Variants in SASS6 observed in about 807,000 individuals in gnomAD.
The protein encoded by SASS6 is spindle assembly abnormal protein 6 homolog.
SASS6 carries 59 observed loss-of-function variants against 94.9 expected under a neutral mutation model. The ratio of observed to expected loss-of-function variants is 0.62; its 90% CI spans 0.50 to 0.77. The LOEUF is 0.77. SASS6 is among the 30% of genes least tolerant of loss of function. The probability of loss-of-function intolerance (pLI) is 0.00; values close to 1 mark genes in which losing one functional copy is unlikely to be tolerated. For missense variants in SASS6, 698 were observed against 734.1 expected (o/e 0.95, Z 0.57); for synonymous variants, 264 against 270.0 (o/e 0.98, Z 0.22).
At chr1:100,126,229 T>G (rs1357751252) in intron 1 of SASS6, among the ~76,000 whole-genome samples, 1 of 152,222 alleles carries the variant, frequency 6.6e-6, no homozygotes, top group Non-Finnish European at 1.5e-5. Context: ...AGCACTAGCC[T>G]GATATATGAC....
chr1:100,097,445 G>A (rs1014267197), intron 14 of SASS6, among the ~76,000 whole-genome samples: 2 of 152,096 alleles, frequency 1.3e-5, no homozygotes, highest in Non-Finnish European at 2.9e-5. Flanking sequence ...TCAATACAAT[G>A]AAATACTACT....
chr1:100,092,539 G>A (rs28730937), intron 14 of SASS6, among the ~76,000 whole-genome samples: 8 of 151,982 alleles, frequency 5.3e-5, no homozygotes, highest in Admixed American at 2.0e-4. Flanking sequence ...GTAATATAAC[G>A]AACTAGTCTT....
chr1:100,119,961 T>G (rs1654047411), intron 6 of SASS6, among the ~76,000 whole-genome samples: 1 of 152,190 alleles, frequency 6.6e-6, no homozygotes, highest in African/African-American at 2.4e-5. Context: ...TTTCATGAAC[T>G]AGGGCAGAAA....
At chr1:100,117,697 GAA>G (rs1308481158) in intron 7 of SASS6, among the ~76,000 whole-genome samples, 1 of 150,798 alleles carries the variant, frequency 6.6e-6, no homozygotes, top group Non-Finnish European at 1.5e-5. Context: ...AAAAAGGGAT[GAA>G]AAGACAATAA....
intron 14 of SASS6, among the ~76,000 whole-genome samples, chr1:100,099,907 C>T (rs546866519): frequency 2.6e-5 from 4 of 152,264 alleles, no homozygotes; most frequent in Non-Finnish European, 5.9e-5. Context: ...TGGCCCGTTC[C>T]TCACTGCAGA....
At chr1:100,103,908 G>A (rs753126387) in intron 13 of SASS6, among the ~76,000 whole-genome samples, 1 of 152,130 alleles carries the variant, frequency 6.6e-6, no homozygotes, top group Non-Finnish European at 1.5e-5. Context: ...ATAGATATAC[G>A]AGCTAGATTT....
Position 100,125,934 on chromosome 1 carries a change from CT to C in SASS6, c.73del (p.Ser25ValfsTer2). On this transcript the variant is annotated frameshift_variant, in exon 2 of 17. Transcript: ENST00000287482. LOFTEE classifies it high-confidence loss of function. Reference protein sequence around the residue: ...KCKDCEERRVSIRMSIELQSV... With the variant: ...KCKDCEERRVXIRMSIELQSV... ...TTGTAGTTCAATGCTCATTCTTATA[CT>C]TACTCTCCTGTAGGAAAAGACATAC... 6.5e-7 allele frequency: 1 copy of C among 1,531,568 alleles called. No homozygotes were observed. The highest frequency in any genetic ancestry group is 8.9e-7 in the Non-Finnish European group (1 of 1,122,366). The allele number at this position is 1,531,568 out of a possible 1,614,324, so 94.9% of individuals were successfully genotyped here. A position where few individuals can be genotyped will look rare whatever the true frequency, so the allele number is the denominator to read the frequency against.
intron 7 of SASS6, 96 bp downstream of exon 7, chr1:100,118,922 T>C (rs1653973479): frequency 4.9e-6 from 4 of 820,192 alleles, no homozygotes; most frequent in Non-Finnish European, 1.8e-6. Context: ...TCTGTAACGT[T>C]TGGAAAATTT....
At chr1:100,131,241 A>G (rs1654998570) in intron 1 of SASS6, among the ~76,000 whole-genome samples, 1 of 146,962 alleles carries the variant, frequency 6.8e-6, no homozygotes, top group African/African-American at 2.6e-5. Flanking sequence ...CCCAGGCTGG[A>G]GTACAGTGGC....
chr1:100,087,627 T>G (rs1651403358), intron 15 of SASS6, among the ~76,000 whole-genome samples: 1 of 152,198 alleles, frequency 6.6e-6, no homozygotes, highest in Non-Finnish European at 1.5e-5. Context: ...CATTAAAGCT[T>G]ATTTTTGTTA....
rs150364529 is a variant in SASS6, at chr1:100,110,418, T to C, written c.735A>G (p.Gln245=). Residue 245 remains glutamine, a synonymous_variant, in exon 8 of 17, where the codon CAA becomes CAG. Transcript: ENST00000287482. ...QKKDLEILHQ[Q]NIHQLQNRLS... ...GTCTGTTTTGTAGCTGGTGGATGTT[T>C]TGTTGATGGAGGATTTCTAAATCTT... 9.4e-3 allele frequency: 15,092 copies of C among 1,611,760 alleles called. 90 individuals carry two copies. Among genetic ancestry groups the C allele is most frequent in the Non-Finnish European group, 0.011 (12,941 of 1,178,220 alleles).
chr1:100,117,601 C>T (rs1013055549), intron 7 of SASS6, among the ~76,000 whole-genome samples: 8 of 150,476 alleles, frequency 5.3e-5, no homozygotes, highest in African/African-American at 1.2e-4. Flanking sequence ...TGCAGTGAGC[C>T]GAGATAGTGC....
At chr1:100,098,212 T>C (rs988706505) in intron 14 of SASS6, among the ~76,000 whole-genome samples, 2 of 151,898 alleles carry the variant, frequency 1.3e-5, no homozygotes, top group African/African-American at 4.8e-5. Context: ...GTCCAGAATA[T>C]GTAAAGAACA....
At chr1:100,114,610 C>T (rs1333321893) in intron 7 of SASS6, among the ~76,000 whole-genome samples, 1 of 151,848 alleles carries the variant, frequency 6.6e-6, no homozygotes, top group Non-Finnish European at 1.5e-5. Context: ...CCCAGCTACT[C>T]CAAAGACTGA....
intron 14 of SASS6, among the ~76,000 whole-genome samples, chr1:100,096,686 AAAGAC>A (rs1372947763): frequency 2.6e-5 from 4 of 152,242 alleles, no homozygotes; most frequent in African/African-American, 9.7e-5. Context: ...AATTCAATAA[AAAGAC>A]AACCTTGTTT....
rs771522189 is a variant in SASS6, at chr1:100,122,344, T to A, written c.311+36A>T. 1.3e-5 allele frequency: 12 copies of A among 913,602 alleles called. No homozygotes were observed. The African/African-American group carries it at 1.9e-4, about 14-fold the overall frequency. The allele number at this position is 913,602 out of a possible 1,614,324, so 56.6% of individuals were successfully genotyped here. On this transcript the variant is annotated intron_variant, in intron 4 of 16. Transcript: ENST00000287482. ...GTTTCAAAGAAGAGTCTGTCTTGAA[T>A]TAAATTTAATAATGTAGCATTCTCA...
At chr1:100,098,218 G>C (rs1433887799) in intron 14 of SASS6, among the ~76,000 whole-genome samples, 1 of 151,718 alleles carries the variant, frequency 6.6e-6, no homozygotes, top group Non-Finnish European at 1.5e-5. Flanking sequence ...AATATGTAAA[G>C]AACACTTATA....
At chr1:100,097,825 A>C (rs1360884064) in intron 14 of SASS6, among the ~76,000 whole-genome samples, 1 of 152,134 alleles carries the variant, frequency 6.6e-6, no homozygotes, top group Non-Finnish European at 1.5e-5. Context: ...ATGAGATTTT[A>C]TCTCAAAAAA....
chr1:100,129,203 C>G (rs1433024864), intron 1 of SASS6, among the ~76,000 whole-genome samples: 3 of 151,774 alleles, frequency 2.0e-5, no homozygotes, highest in Non-Finnish European at 4.4e-5. Flanking sequence ...TGACACAACA[C>G]TCTAGCCTGG....
Sources: gnomAD v4.1 joint callset for allele counts (sites outside exome capture counted in the v4.1 genomes callset) on GRCh38, gnomAD v4.1.1 for gene constraint, MANE v1.5 for transcripts, NCBI Gene and HGNC (gene_info 2026-07-23, HGNC 2026-07-21) for gene names.